The following OPN4 variants were observed in gnomAD, a reference collection of about 807,000 sequenced individuals.
The protein encoded by OPN4 is opsin 4.
In OPN4, 43 loss-of-function variants were observed where a neutral mutation model predicts 49.5. That is an observed-to-expected ratio of 0.87 (90% CI 0.68 to 1.12). The LOEUF (loss-of-function observed/expected upper bound fraction) is 1.12. Ranked by LOEUF, OPN4 falls within the 50% of genes most tolerant of loss-of-function variation. The probability of loss-of-function intolerance (pLI) is 0.00; values close to 1 mark genes in which losing one functional copy is unlikely to be tolerated. For synonymous variants in OPN4, 263 were observed against 258.0 expected, an observed-to-expected ratio of 1.02 and a Z score of -0.19; for missense variants, 657 against 643.9, an observed-to-expected ratio of 1.02 and a Z score of -0.22.
Position 86,665,904 on chromosome 10 carries a change from G to GT in OPN4, c.*153_*154insT. The GT allele has an allele frequency of 3.1e-6, 2 of 640,612 alleles. No individual in the cohort carries two copies. The highest frequency in any genetic ancestry group is 5.5e-6 in the Non-Finnish European group (2 of 364,168). The allele number at this position is 640,612 out of a possible 1,614,324, so 39.7% of individuals were successfully genotyped here. A position where few individuals can be genotyped will look rare whatever the true frequency, so the allele number is the denominator to read the frequency against. ...CGGGATTCACAGCCCCAGCCCCATG[G>GT]CCCCTCTCCACACCTCAAAACTCCT... On this transcript the variant is annotated 3_prime_UTR_variant, in exon 10 of 10. Coordinates refer to ENST00000241891, the MANE Select transcript of OPN4 (RefSeq NM_033282.4).
chr10:86,660,045 G>A lies in OPN4; in HGVS notation c.951G>A (p.Leu317=). The part of the protein sequence containing the change: ...LSWAPYSAVA[L]VAFAGYAHVL... ...GGGCTCCCTATTCCGCTGTGGCCCT[G>A]GTGGCCTTTGCTGGGTAAGCAGTGG... The change falls in exon 6 of 10, where the codon CTG becomes CTA. Residue 317 remains leucine (L), a synonymous_variant. Coordinates refer to ENST00000241891, the MANE Select transcript of OPN4 (RefSeq NM_033282.4). 6.2e-7 allele frequency: 1 copy of A among 1,614,176 alleles called. No homozygotes were observed. The highest frequency in any genetic ancestry group is 8.5e-7 in the Non-Finnish European group (1 of 1,180,000).
chr10:86,663,165 T>C lies in OPN4; in HGVS notation c.1255-494T>C, dbSNP rs567019929. ...CCACCGGCTCCTGTTCCCACCACAC[T>C]TGGGCTCCTCCTTAATTCTACCTAC... On this transcript the variant is annotated intron_variant, in intron 8 of 9. Transcript: ENST00000241891. 2.0e-5 allele frequency among the ~76,000 whole-genome samples: 3 copies of C among 152,300 alleles called. No homozygotes were observed. The East Asian group carries it at 5.8e-4, about 29-fold the overall frequency.
At position 86,656,671 on chromosome 10, in the gene OPN4, G is replaced by A. The variant is rs996500854; in HGVS notation, c.290+371G>A. 1.9e-4 allele frequency among the ~76,000 whole-genome samples: 29 copies of A among 152,284 alleles called. 1 individual carries two copies. The highest frequency in any genetic ancestry group is 6.0e-4 in the African/African-American group (25 of 41,560). On this transcript the variant is annotated intron_variant, in intron 2 of 9. Transcript: ENST00000241891. ...GTTGAAGAGCAGCTCTAGGCCAGGC[G>A]TGGTGGCTCCCGCCTGTAATCCCAG...
intron 6 of OPN4, among the ~76,000 whole-genome samples, chr10:86,660,552 C>A (rs933385824): frequency 2.0e-5 from 3 of 152,148 alleles, no homozygotes; most frequent in East Asian, 1.9e-4. Flanking sequence ...AGATAGGAGA[C>A]CTTCTTGTGG....
intron 2 of OPN4, among the ~76,000 whole-genome samples, 175 bp from the exon 3 acceptor site, chr10:86,657,857 C>A (rs889802106): frequency 6.6e-6 from 1 of 152,104 alleles, no homozygotes; most frequent in African/African-American, 2.4e-5. Context: ...GGTCCCTGCC[C>A]GACAGTGGGA....
rs754336507 is a variant in OPN4 at position 86,659,410 on chromosome 10, C to T, written c.742C>T (p.Leu248=). The T allele has an allele frequency of 6.2e-7, 1 of 1,614,188 alleles. No homozygotes were observed. The highest frequency in any genetic ancestry group is 8.5e-7 in the Non-Finnish European group (1 of 1,180,028). The change falls in exon 5 of 10, where the codon CTG becomes TTG. Residue 248 remains leucine (L), a synonymous_variant. Transcript: ENST00000241891. ...CTGCTGCTTCGTGTTCTTCCTCCCTCTGCTTATCATCATCTACTGCTACAT... is the reference window on the plus strand; with the variant it reads ...CTGCTGCTTCGTGTTCTTCCTCCCTTTGCTTATCATCATCTACTGCTACAT... ...LLCCFVFFLP[L]LIIIYCYIFI...
At position 86,657,063 on chromosome 10, in the gene OPN4, G is replaced by T. The variant is rs112151678; in HGVS notation, c.290+763G>T. ...ATCTGCCCCCCTGCCTGGCTCAGTGGCTGAGACAGGCAGGTGGAGAAGGGA... is the reference window on the plus strand; with the variant it reads ...ATCTGCCCCCCTGCCTGGCTCAGTGTCTGAGACAGGCAGGTGGAGAAGGGA... On this transcript the variant is annotated intron_variant, in intron 2 of 9. Coordinates refer to ENST00000241891, the MANE Select transcript of OPN4 (RefSeq NM_033282.4). 8.8e-5 allele frequency: 57 copies of T among 649,946 alleles called. 1 individual carries two copies. Among genetic ancestry groups the T allele is most frequent in the African/African-American group, 7.1e-4 (40 of 56,286 alleles). The allele number at this position is 649,946 out of a possible 1,614,324, so 40.3% of individuals were successfully genotyped here.
Position 86,662,400 on chromosome 10 carries a change from C to A in OPN4, c.1222C>A (p.Arg408Ser). 6.4e-7 allele frequency: 1 copy of A among 1,560,700 alleles called. No individual in the cohort carries two copies. The highest frequency in any genetic ancestry group is 1.4e-5 in the African/African-American group (1 of 73,834). The change falls in exon 8 of 10, where the codon CGC (arginine) becomes AGC (serine). Residue 408 changes from arginine (R) to serine (S), a missense_variant. Coordinates refer to ENST00000241891, the MANE Select transcript of OPN4 (RefSeq NM_033282.4). ...CCTCAGCTGGATCTCCATACGGAGG[C>A]GCCAGGAGTCCCTGGGCTCGGAGAG... ...SNLSWISIRR[R>S]QESLGSESEV...
At chr10:86,656,765 G>A (rs1040392508) in intron 2 of OPN4, among the ~76,000 whole-genome samples, 1 of 151,944 alleles carries the variant, frequency 6.6e-6, no homozygotes, top group African/African-American at 2.4e-5. Context: ...CCAATGTGGT[G>A]AAACCCCCGT....
intron 9 of OPN4, 52 bp from the exon 10 acceptor site, chr10:86,665,661 G>GC: frequency 2.0e-6 from 3 of 1,522,948 alleles, no homozygotes; most frequent in African/African-American, 1.4e-5. Flanking sequence ...TCGGGAGACT[G>GC]CCCCCAGTGA....
chr10:86,662,528 C>T, intron 8 of OPN4, 96 bp downstream of exon 8: 1 of 1,233,368 alleles, frequency 8.1e-7, no homozygotes, highest in African/African-American at 1.5e-5. Flanking sequence ...GCAGGGCTGC[C>T]TCTGAGACTC....
chr10:86,659,299 G>C lies in OPN4; in HGVS notation c.631G>C (p.Ala211Pro), dbSNP rs367851084. ...TGAGCACCTGCCCTGGCTCCCAGGC[G>C]CCTACGTGCCCGAGGGGTTGCTGAC... The part of the protein sequence containing the change: ...WSLPPFFGWS[A>P]YVPEGLLTSC... Residue 211 changes from alanine (A) to proline (P), a missense_variant and splice_region_variant, in exon 5 of 10, where the codon GCC (alanine) becomes CCC (proline). Physicochemically the swap from Ala to Pro is conservative, Grantham distance 27. Transcript: ENST00000241891. 1.2e-5 allele frequency: 19 copies of C among 1,610,712 alleles called. No homozygotes were observed. The highest frequency in any genetic ancestry group is 1.6e-5 in the Non-Finnish European group (19 of 1,179,328).
intron 8 of OPN4, 37 bp from the exon 9 acceptor site, chr10:86,663,622 C>G (rs372464053): frequency 8.2e-6 from 12 of 1,464,994 alleles, no homozygotes; most frequent in African/African-American, 2.8e-5. Flanking sequence ...TACGGACTGT[C>G]CCTCTCACCT....
chr10:86,656,385 T>C, intron 2 of OPN4, 85 bp downstream of exon 2: 1 of 1,483,084 alleles, frequency 6.7e-7, no homozygotes, highest in South Asian at 1.3e-5. Context: ...GAATGTTGAC[T>C]CTAGCTCTGG....
At chr10:86,659,264 C>A (rs1024320395) in intron 4 of OPN4, 33 bp from the exon 5 acceptor site, 1 of 1,581,400 alleles carries the variant, frequency 6.3e-7, no homozygotes, top group East Asian at 2.2e-5. Context: ...GTCAGTGCCG[C>A]CCCAAAGGCT....
intron 6 of OPN4, 54 bp from the exon 7 acceptor site, chr10:86,661,227 G>A (rs1843996862): frequency 7.0e-7 from 1 of 1,421,960 alleles, no homozygotes; most frequent in Non-Finnish European, 9.9e-7. Context: ...GCCCAGAAGA[G>A]AAGGTGTGTC....
chr10:86,660,244 T>C (rs1051739453), intron 6 of OPN4, among the ~76,000 whole-genome samples, 185 bp downstream of exon 6: 1 of 152,214 alleles, frequency 6.6e-6, no homozygotes, highest in Non-Finnish European at 1.5e-5. Context: ...GGCCACCTAG[T>C]TCCTGGAAGC....
chr10:86,663,053 G>A (rs1844053235), intron 8 of OPN4, among the ~76,000 whole-genome samples: 1 of 152,184 alleles, frequency 6.6e-6, no homozygotes, highest in African/African-American at 2.4e-5. Context: ...CCTTCCTCGG[G>A]GCCAGGTGTG....
intron 6 of OPN4, 90 bp downstream of exon 6, chr10:86,660,149 C>T: frequency 6.9e-7 from 1 of 1,438,992 alleles, no homozygotes; most frequent in Non-Finnish European, 9.7e-7. Context: ...CAGCCCAACC[C>T]CGGCCAGCCA....
Sources: allele counts gnomAD v4.1 joint callset (sites outside exome capture counted in the v4.1 genomes callset), GRCh38; gene constraint gnomAD v4.1.1; transcripts MANE v1.5; gene names NCBI Gene and HGNC (gene_info 2026-07-23, HGNC 2026-07-21).